Variants in NINJ2 observed in about 807,000 individuals in gnomAD.
NINJ2 encodes ninjurin 2.
A neutral mutation model predicts 11.7 loss-of-function variants in NINJ2; 12 were observed. The ratio of observed to expected loss-of-function variants is 1.02; its 90% CI spans 0.66 to 1.66. The LOEUF (loss-of-function observed/expected upper bound fraction) is 1.66. Ranked by LOEUF, NINJ2 falls within the 40% of genes most tolerant of loss-of-function variation. The probability of loss-of-function intolerance (pLI) is 0.00; values close to 1 mark genes in which losing one functional copy is unlikely to be tolerated. For synonymous variants in NINJ2, 93 were observed against 76.8 expected, an observed-to-expected ratio of 1.21 and a Z score of -1.10; for missense variants, 187 against 181.8, an observed-to-expected ratio of 1.03 and a Z score of -0.16.
chr12:654,338 T>A lies in NINJ2; in HGVS notation c.33+8990A>T, dbSNP rs142183536. On this transcript the variant is annotated intron_variant, in intron 1 of 3. Transcript: ENST00000305108. Reference sequence around the variant, plus strand: ...GAGTTCGAGACCAGCCTGACCAACATGGAGAAACCCCGTCTCTACTAAAAA... The same window carrying A: ...GAGTTCGAGACCAGCCTGACCAACAAGGAGAAACCCCGTCTCTACTAAAAA... 4.1e-3 allele frequency among the ~76,000 whole-genome samples: 609 copies of A among 150,276 alleles called. 29 individuals carry two copies. In the East Asian group the frequency reaches 0.11, roughly 26 times the overall value.
At chr12:622,409 CAAA>C (rs1169331783) in intron 1 of NINJ2, among the ~76,000 whole-genome samples, 2 of 47,430 alleles carry the variant, frequency 4.2e-5, no homozygotes, top group Non-Finnish European at 7.3e-5. Flanking sequence ...GACTCCGTCT[CAAA>C]AAAAAAAAAA....
intron 1 of NINJ2, among the ~76,000 whole-genome samples, chr12:577,351 T>G (rs1014146794): frequency 1.3e-5 from 2 of 148,174 alleles, no homozygotes; most frequent in Non-Finnish European, 3.0e-5. Flanking sequence ...ACTTACAATA[T>G]TTTCAACTTA....
At chr12:565,728 G>A (rs1472233675) in intron 2 of NINJ2, 4 of 637,112 alleles carry the variant, frequency 6.3e-6, no homozygotes, top group African/African-American at 1.8e-5. Flanking sequence ...CAGGTACTGC[G>A]GAGGGTCTGC....
At chr12:601,560 A>AAT (rs1555164179) in intron 1 of NINJ2, among the ~76,000 whole-genome samples, 70 of 149,578 alleles carry the variant, frequency 4.7e-4, no homozygotes, top group African/African-American at 1.4e-3. Flanking sequence ...AAAAAAAAAA[A>AAT]AAATAAATAA....
At chr12:659,031 A>G (rs1489070762) in intron 1 of NINJ2, among the ~76,000 whole-genome samples, 1 of 147,106 alleles carries the variant, frequency 6.8e-6, no homozygotes, top group African/African-American at 2.5e-5. Context: ...TCTATATATA[A>G]CTGCTATTAT....
chr12:621,294 T>A (rs12309939), intron 1 of NINJ2, among the ~76,000 whole-genome samples: 27,829 of 148,644 alleles, frequency 0.19, 2,625 homozygotes, highest in Middle Eastern at 0.35. Context: ...TAAAAAAATT[T>A]AAAAAAAAAA....
intron 2 of NINJ2, 65 bp downstream of exon 2, chr12:565,885 G>A (rs751824603): frequency 5.7e-6 from 8 of 1,413,444 alleles, no homozygotes; most frequent in African/African-American, 5.7e-5. Context: ...CAGGGGACAC[G>A]TGGGGCCTTT....
Position 580,343 on chromosome 12 carries a change from T to C in NINJ2, c.34-14165A>G, listed in dbSNP as rs944143994. Reference sequence around the variant, plus strand: ...TGGCTCACACCTGTAATCCCAGCACTTTGGGAGGCCGAGGCAGGTGGATCA... The same window carrying C: ...TGGCTCACACCTGTAATCCCAGCACCTTGGGAGGCCGAGGCAGGTGGATCA... On this transcript the variant is annotated intron_variant, in intron 1 of 3. Coordinates refer to ENST00000305108, the MANE Select transcript of NINJ2 (RefSeq NM_016533.6). This position sits in a 1 kb window ranked among gnomAD's most constrained non-coding sequence, Gnocchi z 4.7. 5.9e-5 allele frequency among the ~76,000 whole-genome samples: 9 copies of C among 152,128 alleles called. No homozygotes were observed. The highest frequency in any genetic ancestry group is 1.2e-4 in the Non-Finnish European group (8 of 68,024).
chr12:642,893 C>T (rs1445862935), intron 1 of NINJ2: 1 of 149,770 alleles, frequency 6.7e-6, no homozygotes, highest in Non-Finnish European at 1.5e-5. Flanking sequence ...GTCAGCTGAC[C>T]TGGCTTCCGC....
intron 1 of NINJ2, among the ~76,000 whole-genome samples, chr12:588,467 G>C (rs2607927): frequency 0.4 from 61,021 of 152,058 alleles, 13,017 homozygotes; most frequent in Non-Finnish European, 0.5. Flanking sequence ...GTCAAACCCT[G>C]CACAGAACAC....
chr12:567,851 CA>C (rs576524701), intron 1 of NINJ2, among the ~76,000 whole-genome samples: 1 of 151,994 alleles, frequency 6.6e-6, no homozygotes, highest in South Asian at 2.1e-4. Flanking sequence ...ACTAAAAATA[CA>C]AAAAAATCAG....
Position 581,795 on chromosome 12 carries a change from G to A in NINJ2, c.34-15617C>T, listed in dbSNP as rs1947559569. The stretch of plus-strand genomic sequence containing the variant: ...CCTTCCTCCTCGTGGTGAGAAGCTA[G>A]TATCTGGTGAAATAGGTGAGCTGCT... On this transcript the variant is annotated intron_variant, in intron 1 of 3. Coordinates refer to ENST00000305108, the MANE Select transcript of NINJ2 (RefSeq NM_016533.6). This position sits in a 1 kb window ranked among gnomAD's most constrained non-coding sequence, Gnocchi z 4.9. Among the ~76,000 whole-genome samples, 1 of 152,170 alleles carries A rather than the reference G, an allele frequency of 6.6e-6. No homozygotes were observed.
intron 1 of NINJ2, chr12:643,523 C>T (rs1485451384): frequency 6.1e-6 from 6 of 988,034 alleles, no homozygotes; most frequent in Non-Finnish European, 6.0e-6. Context: ...CATGTCCCCT[C>T]ACTTAATCCT....
At chr12:619,831 G>A (rs2120372144) in intron 1 of NINJ2, among the ~76,000 whole-genome samples, 1 of 152,326 alleles carries the variant, frequency 6.6e-6, no homozygotes, top group Non-Finnish European at 1.5e-5. Flanking sequence ...TTGGCTTTGA[G>A]TCCTATCTCT....
In NINJ2 at chr12:640,959, T is replaced by A. The variant is rs904359564; in HGVS notation, c.33+22369A>T. The stretch of plus-strand genomic sequence containing the variant: ...GAAGAATGGAAGGAAGGCTGCAACT[T>A]AAGAGACTGCGGTTAGAAGTGATCT... On this transcript the variant is annotated intron_variant, in intron 1 of 3. Transcript: ENST00000305108. This position sits in a 1 kb window ranked among gnomAD's most constrained non-coding sequence, Gnocchi z 4.0. The A allele has an allele frequency of 6.6e-6, 1 of 152,294 alleles. No homozygotes were observed. Among genetic ancestry groups the A allele is most frequent in the Non-Finnish European group, 1.5e-5 (1 of 68,102 alleles). The allele number at this position is 152,294 out of a possible 1,614,324, so 9.4% of individuals were successfully genotyped here.
rs995620178 is a variant in NINJ2, at chr12:628,141, A to G, written c.33+35187T>C. Among the ~76,000 whole-genome samples the G allele has an allele frequency of 6.6e-6, 1 of 150,976 alleles. No homozygotes were observed. Among genetic ancestry groups the G allele is most frequent in the Non-Finnish European group, 1.5e-5 (1 of 67,590 alleles). On this transcript the variant is annotated intron_variant, in intron 1 of 3. Transcript: ENST00000305108. This position sits in a 1 kb window ranked among gnomAD's most constrained non-coding sequence, Gnocchi z 4.4. ...TTGCCAGAGCCTGCAGGATCCCTGC[A>G]CCGCTTTACTGGATCCCCAGGTTGA...
intron 1 of NINJ2, among the ~76,000 whole-genome samples, chr12:569,029 C>T (rs887251802): frequency 2.6e-5 from 4 of 152,190 alleles, no homozygotes; most frequent in African/African-American, 9.7e-5. Flanking sequence ...GAATGGAGTG[C>T]TCACTATCTC....
At chr12:634,766 C>T (rs540993333) in intron 1 of NINJ2, among the ~76,000 whole-genome samples, 1 of 152,342 alleles carries the variant, frequency 6.6e-6, no homozygotes, top group African/African-American at 2.4e-5. Context: ...TGAAAATTGG[C>T]ACCTCCAGAA....
At chr12:619,915 T>C (rs1452781719) in intron 1 of NINJ2, among the ~76,000 whole-genome samples, 1 of 152,216 alleles carries the variant, frequency 6.6e-6, no homozygotes, top group East Asian at 1.9e-4. Context: ...AAAGTGAAGA[T>C]AATATTCCTT....
Sources: allele counts gnomAD v4.1 joint callset (sites outside exome capture counted in the v4.1 genomes callset), GRCh38; gene constraint gnomAD v4.1.1; non-coding constraint Gnocchi (gnomAD v3.1); transcripts MANE v1.5; gene names NCBI Gene and HGNC (gene_info 2026-07-23, HGNC 2026-07-21).